The following ZDHHC14 variants were observed in gnomAD, a reference collection of about 807,000 sequenced individuals.
ZDHHC14 encodes zDHHC palmitoyltransferase 14, also known as palmitoyltransferase ZDHHC14.
ZDHHC14 carries 16 observed loss-of-function variants against 47.7 expected under a neutral mutation model. The observed-to-expected ratio is 0.34, with a 90% confidence interval of 0.23 to 0.51. The LOEUF (loss-of-function observed/expected upper bound fraction) is 0.51. Ranked by LOEUF, ZDHHC14 falls within the 20% of genes least tolerant of loss-of-function variation. The pLI, the probability that ZDHHC14 is intolerant of heterozygous loss-of-function variation, is 0.97. For missense variants in ZDHHC14, 515 were observed against 662.5 expected (o/e 0.78, Z 2.44); for synonymous variants, 293 against 278.9 (o/e 1.05, Z -0.50).
intron 2 of ZDHHC14, among the ~76,000 whole-genome samples, chr6:157,571,776 A>ATTTT (rs548623336): frequency 0.026 from 3,188 of 122,396 alleles, 166 homozygotes; most frequent in African/African-American, 0.094. Context: ...AGGAATCTGT[A>ATTTT]TTTTTTTTTT....
chr6:157,460,679 C>G (rs950900287), intron 1 of ZDHHC14, among the ~76,000 whole-genome samples: 1 of 152,208 alleles, frequency 6.6e-6, no homozygotes, highest in Non-Finnish European at 1.5e-5. Flanking sequence ...GAATGTGTGT[C>G]ATTTTAATCA....
chr6:157,418,304 C>T (rs1196700900), intron 1 of ZDHHC14, among the ~76,000 whole-genome samples: 8 of 129,748 alleles, frequency 6.2e-5, no homozygotes, highest in Non-Finnish European at 9.8e-5. Context: ...GCTGGGTCAG[C>T]GATTTTAAAG....
chr6:157,420,494 G>T (rs893991065), intron 1 of ZDHHC14, among the ~76,000 whole-genome samples: 1 of 152,276 alleles, frequency 6.6e-6, no homozygotes, highest in Admixed American at 6.5e-5. Context: ...CACTGAAGGG[G>T]TGGGCTGAAT....
chr6:157,631,460 C>G (rs904805042), intron 4 of ZDHHC14: 1 of 152,258 alleles, frequency 6.6e-6, no homozygotes, highest in African/African-American at 2.4e-5. Context: ...ACCCCACCAC[C>G]CTATCTGGCT....
chr6:157,573,603 C>T (rs1783183640), intron 2 of ZDHHC14, among the ~76,000 whole-genome samples: 1 of 152,232 alleles, frequency 6.6e-6, no homozygotes, highest in Non-Finnish European at 1.5e-5. Context: ...AAGGATCCCT[C>T]TCCAAGCCCA....
intron 1 of ZDHHC14, among the ~76,000 whole-genome samples, chr6:157,518,408 AG>A (rs1206361241): frequency 5.0e-4 from 67 of 133,010 alleles, no homozygotes; most frequent in African/African-American, 1.7e-3. Flanking sequence ...GGAGGGTGGA[AG>A]GGGGGCTCTT....
At chr6:157,596,682 C>G (rs1171398522) in intron 3 of ZDHHC14, among the ~76,000 whole-genome samples, 3 of 152,128 alleles carry the variant, frequency 2.0e-5, no homozygotes, top group African/African-American at 4.8e-5. Context: ...TGAACGCTCC[C>G]AGCTGTTACC....
intron 1 of ZDHHC14, among the ~76,000 whole-genome samples, chr6:157,436,614 T>A (rs1020506830): frequency 4.0e-5 from 6 of 151,324 alleles, no homozygotes; most frequent in Non-Finnish European, 8.8e-5. Flanking sequence ...GTTGCAGGAA[T>A]AATGTGATGA....
intron 1 of ZDHHC14, among the ~76,000 whole-genome samples, chr6:157,491,154 C>T (rs1779903857): frequency 2.6e-5 from 4 of 152,186 alleles, no homozygotes; most frequent in African/African-American, 9.7e-5. Context: ...CCGTTTGTCC[C>T]CTCGTTCTGT....
intron 3 of ZDHHC14, among the ~76,000 whole-genome samples, chr6:157,627,720 G>A (rs920644761): frequency 1.3e-5 from 2 of 152,178 alleles, no homozygotes; most frequent in Non-Finnish European, 1.5e-5. Context: ...GAATGGCCCC[G>A]TGCAGGCAGT....
chr6:157,625,623 TG>T (rs940348307), intron 3 of ZDHHC14, among the ~76,000 whole-genome samples: 6 of 151,714 alleles, frequency 4.0e-5, no homozygotes, highest in African/African-American at 1.2e-4. Context: ...GAATGTGGGG[TG>T]GGGATTAGGC....
chr6:157,601,106 C>T (rs1264405832), intron 3 of ZDHHC14, among the ~76,000 whole-genome samples: 1 of 152,158 alleles, frequency 6.6e-6, no homozygotes, highest in Non-Finnish European at 1.5e-5. Flanking sequence ...CCACAAAAAT[C>T]GCGAGATAAT....
At chr6:157,457,197 G>A (rs948750203) in intron 1 of ZDHHC14, among the ~76,000 whole-genome samples, 2 of 148,294 alleles carry the variant, frequency 1.3e-5, no homozygotes, top group Non-Finnish European at 3.0e-5. Context: ...AAAAAAGACC[G>A]AGTTGGGATG....
chr6:157,401,477 C>T (rs1396644925), intron 1 of ZDHHC14, among the ~76,000 whole-genome samples: 1 of 152,188 alleles, frequency 6.6e-6, no homozygotes, highest in East Asian at 1.9e-4. Flanking sequence ...TTGTGAGATG[C>T]GCACCTGCTG....
At chr6:157,412,201 A>G (rs147151800) in intron 1 of ZDHHC14, among the ~76,000 whole-genome samples, 1,716 of 151,926 alleles carry the variant, frequency 0.011, 39 homozygotes, top group African/African-American at 0.04. Flanking sequence ...AGCCTCCCAA[A>G]GTGCTGGGAT....
intron 1 of ZDHHC14, among the ~76,000 whole-genome samples, chr6:157,415,117 T>C (rs1251089361): frequency 6.6e-6 from 1 of 152,202 alleles, no homozygotes; most frequent in African/African-American, 2.4e-5. Context: ...ACTATACTGA[T>C]AATATTTTTG....
chr6:157,626,129 T>C (rs891322235), intron 3 of ZDHHC14, among the ~76,000 whole-genome samples: 2 of 152,200 alleles, frequency 1.3e-5, no homozygotes, highest in Admixed American at 6.5e-5. Flanking sequence ...ATGCTTCAGA[T>C]GGGGTGTACC....
At position 157,381,989 on chromosome 6, in the gene ZDHHC14, G is replaced by A; in HGVS notation, c.-33G>A. Reference sequence around the variant, plus strand: ...GGCCCGCGCGGCCGGGGGGCTCCTGGGGGTGTGCGCCCCCAGCCGGCTGCC... The same window carrying A: ...GGCCCGCGCGGCCGGGGGGCTCCTGAGGGTGTGCGCCCCCAGCCGGCTGCC... On this transcript the variant is annotated 5_prime_UTR_variant, in exon 1 of 9. Transcript: ENST00000359775. 7.7e-7 allele frequency: 1 copy of A among 1,294,310 alleles called. No individual in the cohort carries two copies. Among genetic ancestry groups the A allele is most frequent in the Non-Finnish European group, 9.8e-7 (1 of 1,015,744 alleles). 80.2% of individuals were successfully genotyped at this position (1,294,310 alleles called of 1,614,324 possible). A position where few individuals can be genotyped will look rare whatever the true frequency, so the allele number is the denominator to read the frequency against.
At chr6:157,513,284 G>T (rs988953558) in intron 1 of ZDHHC14, among the ~76,000 whole-genome samples, 2 of 152,212 alleles carry the variant, frequency 1.3e-5, no homozygotes, top group Non-Finnish European at 2.9e-5. Context: ...TTTCTTAAAA[G>T]CACACTAAAC....
Sources: allele counts gnomAD v4.1 joint callset (sites outside exome capture counted in the v4.1 genomes callset), GRCh38; gene constraint gnomAD v4.1.1; transcripts MANE v1.5; gene names NCBI Gene and HGNC (gene_info 2026-07-23, HGNC 2026-07-21).